TCF12: variants seen among roughly 807,000 people sequenced by gnomAD.
The protein encoded by TCF12 is DNA-binding protein HTF4.
Under a neutral mutation model 86.0 loss-of-function variants are expected in TCF12, and 45 were observed. The observed-to-expected ratio is 0.52, with a 90% CI of 0.41 to 0.67. The LOEUF is 0.67. TCF12 is among the 30% of genes least tolerant of loss of function. The pLI is 0.00. For synonymous variants in TCF12, 330 were observed against 299.6 expected (o/e 1.10, Z -1.05); for missense variants, 881 against 859.9 (o/e 1.02, Z -0.31).
At chr15:56,936,374 A>T (rs1453310371) in intron 3 of TCF12, among the ~76,000 whole-genome samples, 4 of 151,960 alleles carry the variant, frequency 2.6e-5, no homozygotes, top group Non-Finnish European at 4.4e-5. Context: ...TAGATTCTGG[A>T]TATTAGTCCT....
At chr15:57,047,187 G>A (rs566717030) in intron 3 of TCF12, among the ~76,000 whole-genome samples, 18 of 152,186 alleles carry the variant, frequency 1.2e-4, no homozygotes, top group African/African-American at 3.9e-4. Flanking sequence ...TTTTTCTAAC[G>A]GGTTTTACAT....
At position 57,027,680 on chromosome 15, in the gene TCF12, T is replaced by C. The variant is rs117532049; in HGVS notation, c.149-36070T>C. On this transcript the variant is annotated intron_variant, in intron 3 of 20. Coordinates refer to ENST00000333725, the MANE Select transcript of TCF12 (RefSeq NM_207037.2). Reference sequence around the variant, plus strand: ...ACCACTTTACAGTCCCACATTGATATGGTTTGGCCGTGTCCCCACCCAAAT... The same window carrying C: ...ACCACTTTACAGTCCCACATTGATACGGTTTGGCCGTGTCCCCACCCAAAT... 9.7e-3 allele frequency among the ~76,000 whole-genome samples: 1,483 copies of C among 152,276 alleles called. 14 individuals carry two copies. The highest frequency in any genetic ancestry group is 0.027 in the Middle Eastern group (8 of 294).
intron 8 of TCF12, among the ~76,000 whole-genome samples, chr15:57,228,274 A>C (rs530106766): frequency 7.9e-5 from 12 of 152,236 alleles, no homozygotes; most frequent in African/African-American, 2.9e-4. Context: ...AGCTATAGTT[A>C]AGATACCAAA....
chr15:57,099,548 ATTAG>A (rs1218312820), intron 5 of TCF12, among the ~76,000 whole-genome samples: 3 of 152,188 alleles, frequency 2.0e-5, no homozygotes, highest in East Asian at 1.9e-4. Flanking sequence ...TAAACAAAGA[ATTAG>A]TTGTTGATTT....
In TCF12 at chr15:57,127,184, C is replaced by T. The variant is rs548305080; in HGVS notation, c.325+35293C>T. On this transcript the variant is annotated intron_variant, in intron 5 of 20. Coordinates refer to ENST00000333725, the MANE Select transcript of TCF12 (RefSeq NM_207037.2). The stretch of plus-strand genomic sequence containing the variant: ...GTTTAGTAGAGACAGGGTTTCACCA[C>T]GTTGGCCAGGCTGGTCTCGAACTCC... Among the ~76,000 whole-genome samples, 16 of 151,804 alleles carry T rather than the reference C, an allele frequency of 1.1e-4. No homozygotes were observed. In the East Asian group the frequency reaches 1.2e-3, roughly 11 times the overall value.
At chr15:57,060,583 A>G (rs1316254595) in intron 3 of TCF12, among the ~76,000 whole-genome samples, 1 of 152,214 alleles carries the variant, frequency 6.6e-6, no homozygotes, top group Admixed American at 6.5e-5. Context: ...ATTTTGGTTT[A>G]TGAGTCAAGG....
chr15:57,209,107 A>G (rs1320098012), intron 8 of TCF12, among the ~76,000 whole-genome samples: 4 of 152,172 alleles, frequency 2.6e-5, no homozygotes, highest in Non-Finnish European at 4.4e-5. Flanking sequence ...AAAAATAAGG[A>G]CTACAAGGCC....
intron 19 of TCF12, chr15:57,278,705 TCCCTCCCTCCCTCTCCCTCCCTC>T: frequency 1.1e-5 from 1 of 88,878 alleles, no homozygotes. Context: ...TCTCTCTCCC[TCCCTCCCTCCCTCTCCCTCCCTC>T]CCCTCTCTCT....
chr15:56,965,917 A>T (rs1010523063), intron 3 of TCF12, among the ~76,000 whole-genome samples: 1 of 152,308 alleles, frequency 6.6e-6, no homozygotes, highest in South Asian at 2.1e-4. Context: ...AATATTTTAT[A>T]TTAGTGATTT....
intron 5 of TCF12, among the ~76,000 whole-genome samples, chr15:57,110,846 A>G (rs1198519625): frequency 6.6e-6 from 1 of 152,206 alleles, no homozygotes; most frequent in East Asian, 1.9e-4. Flanking sequence ...GAAACACTCT[A>G]GAAGCTTTAC....
intron 3 of TCF12, among the ~76,000 whole-genome samples, chr15:56,943,396 A>G (rs1411103150): frequency 6.6e-6 from 1 of 152,224 alleles, no homozygotes; most frequent in Non-Finnish European, 1.5e-5. Context: ...TTACCAACTT[A>G]TATAATTATT....
Position 57,172,641 on chromosome 15 carries a change from G to A in TCF12, c.390+6175G>A, listed in dbSNP as rs114366224. On this transcript the variant is annotated intron_variant, in intron 6 of 20. Coordinates refer to ENST00000333725, the MANE Select transcript of TCF12 (RefSeq NM_207037.2). ...GGGGCCTCCTTGAAGGTAGAGGGTGGGAGGAGGGAGAGGATCAGAAAAAAT... is the reference window on the plus strand; with the variant it reads ...GGGGCCTCCTTGAAGGTAGAGGGTGAGAGGAGGGAGAGGATCAGAAAAAAT... Among the ~76,000 whole-genome samples the A allele has an allele frequency of 4.1e-3, 625 of 152,240 alleles. 3 individuals are homozygous for A. Among genetic ancestry groups the A allele is most frequent in the African/African-American group, 0.015 (608 of 41,516 alleles).
At chr15:57,018,452 T>G (rs2065277767) in intron 3 of TCF12, among the ~76,000 whole-genome samples, 1 of 152,064 alleles carries the variant, frequency 6.6e-6, no homozygotes, top group South Asian at 2.1e-4. Flanking sequence ...GGGCCGGATT[T>G]ATTTATTTAT....
At chr15:57,083,436 A>G (rs1182022763) in intron 4 of TCF12, among the ~76,000 whole-genome samples, 1 of 152,186 alleles carries the variant, frequency 6.6e-6, no homozygotes, top group African/African-American at 2.4e-5. Context: ...AATCATGTTA[A>G]AGGAAAATCT....
chr15:57,171,396 A>G (rs537372355), intron 6 of TCF12, among the ~76,000 whole-genome samples: 8 of 152,238 alleles, frequency 5.3e-5, no homozygotes, highest in Middle Eastern at 3.4e-3. Flanking sequence ...GACAAAAAAT[A>G]TACTTTAACT....
At chr15:57,099,365 T>C (rs918722890) in intron 5 of TCF12, among the ~76,000 whole-genome samples, 16 of 152,104 alleles carry the variant, frequency 1.1e-4, no homozygotes, top group African/African-American at 3.9e-4. Context: ...ATCCCTCTTA[T>C]CTATGGGTAA....
At chr15:57,009,814 C>G (rs2064710344) in intron 3 of TCF12, among the ~76,000 whole-genome samples, 1 of 152,118 alleles carries the variant, frequency 6.6e-6, no homozygotes, top group African/African-American at 2.4e-5. Context: ...ATACTTAACC[C>G]AAGTCGAAGT....
At chr15:56,978,815 A>C (rs2140858249) in intron 3 of TCF12, among the ~76,000 whole-genome samples, 1 of 152,328 alleles carries the variant, frequency 6.6e-6, no homozygotes, top group Non-Finnish European at 1.5e-5. Flanking sequence ...CCAACTAAAA[A>C]GCCCAAGGGA....
At chr15:57,217,261 C>T (rs138115438) in intron 8 of TCF12, among the ~76,000 whole-genome samples, 1 of 152,142 alleles carries the variant, frequency 6.6e-6, no homozygotes, top group African/African-American at 2.4e-5. Context: ...TAGGTTTGTG[C>T]AAAAGTAACT....
Sources: allele counts gnomAD v4.1 joint callset (sites outside exome capture counted in the v4.1 genomes callset), GRCh38; gene constraint gnomAD v4.1.1; transcripts MANE v1.5; gene names NCBI Gene and HGNC (gene_info 2026-07-23, HGNC 2026-07-21).